The following LRRC18 variants were observed in gnomAD, a reference collection of about 807,000 sequenced individuals.
The protein encoded by LRRC18 is leucine rich repeat containing 18, also known as leucine-rich repeat-containing protein 18.
Under a neutral mutation model 11.2 loss-of-function variants are expected in LRRC18, and 12 were observed. The ratio of observed to expected loss-of-function variants is 1.07; its 90% CI spans 0.69 to 1.74. The LOEUF (loss-of-function observed/expected upper bound fraction) is 1.74, where lower values mean the gene tolerates loss of function less well. LRRC18 is among the 40% of genes most tolerant of loss of function. The pLI is 0.00. For missense variants in LRRC18, 374 were observed against 330.5 expected, an observed-to-expected ratio of 1.13 and a Z score of -1.02; for synonymous variants, 155 against 130.6, an observed-to-expected ratio of 1.19 and a Z score of -1.27.
upstream of LRRC18, among the ~76,000 whole-genome samples, chr10:48,914,564 C>T (rs115418715): frequency 0.014 from 2,125 of 152,242 alleles, 50 homozygotes; most frequent in African/African-American, 0.048. Flanking sequence ...TGTGTGTGTT[C>T]TTGGATATCT....
chr10:48,913,532 C>G (rs750366620), exon 1 of LRRC18: 1 of 1,613,974 alleles, frequency 6.2e-7, no homozygotes, highest in Non-Finnish European at 8.5e-7. Flanking sequence ...TCAGGCAAGC[C>G]GCACACAGAT....
chr10:48,911,665 G>A (rs1466396171), intron 1 of LRRC18, among the ~76,000 whole-genome samples: 1 of 152,152 alleles, frequency 6.6e-6, no homozygotes, highest in Non-Finnish European at 1.5e-5. Context: ...TTTTAACTAT[G>A]TATAAAAATA....
the LRRC18 span, among the ~76,000 whole-genome samples, chr10:48,936,928 TG>T: frequency 0.25 from 38,132 of 150,922 alleles, 6,065 homozygotes; most frequent in East Asian, 0.6. Flanking sequence ...CTTCAGGTTT[TG>T]TTTTTTTGAG....
chr10:48,913,664 G>A (rs760308540), exon 1 of LRRC18: 2 of 1,613,816 alleles, frequency 1.2e-6, no homozygotes, highest in Admixed American at 1.7e-5. Flanking sequence ...TGGGGAGCTT[G>A]GAGATGCTCA....
chr10:48,937,086 G>A, the LRRC18 span, among the ~76,000 whole-genome samples: 1 of 151,916 alleles, frequency 6.6e-6, no homozygotes, highest in African/African-American at 2.4e-5. Context: ...TAGAGACGAG[G>A]TTTTTCCATG....
At chr10:48,923,005 T>G in the LRRC18 span, among the ~76,000 whole-genome samples, 1 of 152,218 alleles carries the variant, frequency 6.6e-6, no homozygotes, top group Admixed American at 6.5e-5. Flanking sequence ...CTTAGAGAAC[T>G]GTGCCCAAAA....
the LRRC18 span, among the ~76,000 whole-genome samples, chr10:48,934,092 G>C: frequency 6.6e-6 from 1 of 152,152 alleles, no homozygotes; most frequent in Non-Finnish European, 1.5e-5. Context: ...CAGCTTACAG[G>C]CCTGTCACAG....
chr10:48,939,553 G>T, the LRRC18 span, among the ~76,000 whole-genome samples: 1 of 152,182 alleles, frequency 6.6e-6, no homozygotes, highest in African/African-American at 2.4e-5. Flanking sequence ...AGAGCCATTT[G>T]CAACATCTTA....
the LRRC18 span, chr10:48,935,148 C>T: frequency 1.3e-5 from 2 of 152,208 alleles, no homozygotes; most frequent in Non-Finnish European, 2.9e-5. Context: ...AATCGATAAG[C>T]GCAGGGCCGC....
chr10:48,937,423 C>A, the LRRC18 span, among the ~76,000 whole-genome samples: 26 of 152,318 alleles, frequency 1.7e-4, no homozygotes, highest in African/African-American at 2.2e-4. Context: ...CTGGCAGGTG[C>A]TCTGAACAGT....
intron 1 of LRRC18, 54 bp from the exon 4 acceptor site, chr10:48,910,312 A>G: frequency 6.5e-7 from 1 of 1,544,474 alleles, no homozygotes; most frequent in South Asian, 1.1e-5. Context: ...ACAGAGGCAA[A>G]CACAGCAAGG....
At chr10:48,925,233 G>A in the LRRC18 span, among the ~76,000 whole-genome samples, 1 of 152,162 alleles carries the variant, frequency 6.6e-6, no homozygotes, top group Non-Finnish European at 1.5e-5. Context: ...CCTCCCGAGT[G>A]GCTTCAGATC....
At chr10:48,928,355 T>TG in the LRRC18 span, among the ~76,000 whole-genome samples, 1 of 112,584 alleles carries the variant, frequency 8.9e-6, no homozygotes, top group Non-Finnish European at 1.8e-5. Context: ...GGTTTTGACG[T>TG]GTGTGTGTGT....
At chr10:48,920,389 A>T in the LRRC18 span, among the ~76,000 whole-genome samples, 3 of 152,218 alleles carry the variant, frequency 2.0e-5, no homozygotes, top group South Asian at 6.2e-4. Flanking sequence ...AGGGGGAGGG[A>T]TAGCATTAGG....
exon 1 of LRRC18, chr10:48,913,583 G>A (rs1838213584): frequency 1.2e-6 from 2 of 1,613,956 alleles, no homozygotes; most frequent in Non-Finnish European, 1.7e-6. Context: ...GCCTCCTGAT[G>A]GAGTCTATGA....
exon 1 of LRRC18, chr10:48,913,924 G>A (rs764274965): frequency 1.2e-6 from 2 of 1,614,022 alleles, no homozygotes; most frequent in Non-Finnish European, 1.7e-6. Flanking sequence ...TGCAGGTCCA[G>A]CCACCGGAGG....
upstream of LRRC18, among the ~76,000 whole-genome samples, chr10:48,915,845 C>T (rs1017646687): frequency 1.3e-5 from 2 of 152,186 alleles, no homozygotes; most frequent in African/African-American, 2.4e-5. Context: ...GCCTTGTAAG[C>T]TGACCCTAGT....
At chr10:48,924,567 G>A in the LRRC18 span, among the ~76,000 whole-genome samples, 3 of 152,232 alleles carry the variant, frequency 2.0e-5, no homozygotes, top group South Asian at 2.1e-4. Context: ...GAACAGCTTA[G>A]CAGCTCAAAT....
upstream of LRRC18, among the ~76,000 whole-genome samples, chr10:48,915,014 T>A (rs1410574428): frequency 6.6e-6 from 1 of 152,224 alleles, no homozygotes; most frequent in Non-Finnish European, 1.5e-5. Flanking sequence ...GGAAGCAGAA[T>A]GTCAATGTGA....
Sources: allele counts gnomAD v4.1 joint callset (sites outside exome capture counted in the v4.1 genomes callset), GRCh38; gene constraint gnomAD v4.1.1; transcripts MANE v1.5; gene names NCBI Gene and HGNC (gene_info 2026-07-23, HGNC 2026-07-21).